SYT1: variants seen among roughly 807,000 people sequenced by gnomAD.
SYT1 encodes synaptotagmin-1.
Under a neutral mutation model 44.8 loss-of-function variants are expected in SYT1, and 8 were observed. The observed-to-expected ratio is 0.18, with a 90% CI of 0.10 to 0.32. SYT1 has a LOEUF of 0.32. SYT1 is among the 10% of genes least tolerant of loss of function. SYT1 has a pLI of 1.00. For synonymous variants in SYT1, 154 were observed against 188.8 expected, an observed-to-expected ratio of 0.82 and a Z score of 1.51; for missense variants, 286 against 509.3, an observed-to-expected ratio of 0.56 and a Z score of 4.22.
At chr12:79,197,497 A>T (rs182093800) in intron 3 of SYT1, among the ~76,000 whole-genome samples, 1 of 152,290 alleles carries the variant, frequency 6.6e-6, no homozygotes, top group Non-Finnish European at 1.5e-5. Flanking sequence ...GTAAGAAAGC[A>T]AAAAGAAAGT....
At chr12:78,984,454 C>A (rs1869502159) in intron 2 of SYT1, among the ~76,000 whole-genome samples, 1 of 151,790 alleles carries the variant, frequency 6.6e-6, no homozygotes. Context: ...TTTTCTCTTG[C>A]TTTTTGGTCA....
chr12:79,283,441 C>T (rs1879149274), intron 4 of SYT1, among the ~76,000 whole-genome samples: 3 of 152,096 alleles, frequency 2.0e-5, no homozygotes, highest in Admixed American at 2.0e-4. Context: ...TGTTCCTTTG[C>T]TTTCACTATT....
intron 3 of SYT1, among the ~76,000 whole-genome samples, chr12:79,073,377 AAATAAAGGCATTTTTAAAAG>A (rs1876417907): frequency 1.3e-5 from 2 of 152,204 alleles, no homozygotes; most frequent in South Asian, 4.1e-4. Flanking sequence ...AGGAGATAGC[AAATAAAGGCATTTTTAAAAG>A]TAGTATGTTA....
At chr12:79,363,603 C>T (rs553643944) in intron 9 of SYT1, among the ~76,000 whole-genome samples, 97 of 151,342 alleles carry the variant, frequency 6.4e-4, no homozygotes, top group Non-Finnish European at 1.2e-3. Flanking sequence ...GGAATGGTAG[C>T]GCACACCTGT....
chr12:79,444,416 C>T (rs1161521267), intron 10 of SYT1, among the ~76,000 whole-genome samples: 4 of 152,104 alleles, frequency 2.6e-5, no homozygotes, highest in African/African-American at 9.7e-5. Flanking sequence ...AAACAGCTGG[C>T]ACTGTGTTGA....
At chr12:79,163,180 A>G (rs1871051777) in intron 3 of SYT1, among the ~76,000 whole-genome samples, 1 of 152,044 alleles carries the variant, frequency 6.6e-6, no homozygotes, top group African/African-American at 2.4e-5. Flanking sequence ...CATTTCAGTA[A>G]TTTCATCTAT....
intron 2 of SYT1, among the ~76,000 whole-genome samples, chr12:79,046,625 G>C (rs555085225): frequency 6.6e-6 from 1 of 151,780 alleles, no homozygotes; most frequent in Non-Finnish European, 1.5e-5. Flanking sequence ...ATGCAATGAC[G>C]TGCAATCATT....
intron 1 of SYT1, among the ~76,000 whole-genome samples, chr12:78,940,276 A>G (rs1305420483): frequency 2.0e-5 from 3 of 152,192 alleles, no homozygotes; most frequent in Non-Finnish European, 4.4e-5. Flanking sequence ...CCTGATTTCA[A>G]TTCCCTATTC....
intron 8 of SYT1, among the ~76,000 whole-genome samples, chr12:79,349,918 A>G (rs888675009): frequency 1.3e-5 from 2 of 152,206 alleles, no homozygotes; most frequent in Non-Finnish European, 2.9e-5. Flanking sequence ...TAATTCTTCT[A>G]TGTTGATGGA....
At chr12:79,052,122 A>G (rs1236289325) in intron 3 of SYT1, among the ~76,000 whole-genome samples, 1 of 152,072 alleles carries the variant, frequency 6.6e-6, no homozygotes, top group East Asian at 1.9e-4. Context: ...CTTGGGCAGT[A>G]TGGCCATTTT....
At chr12:79,388,882 C>T (rs538770670) in intron 9 of SYT1, among the ~76,000 whole-genome samples, 8 of 152,318 alleles carry the variant, frequency 5.3e-5, no homozygotes, top group East Asian at 1.9e-4. Context: ...TTACATCACA[C>T]ATGAGTCCAG....
At chr12:79,370,712 G>T (rs566204394) in intron 9 of SYT1, among the ~76,000 whole-genome samples, 1 of 152,206 alleles carries the variant, frequency 6.6e-6, no homozygotes, top group South Asian at 2.1e-4. Flanking sequence ...GCAGTGAGCA[G>T]AGATCGCGCC....
intron 3 of SYT1, among the ~76,000 whole-genome samples, chr12:79,161,032 A>G (rs535071417): frequency 6.6e-6 from 1 of 152,234 alleles, no homozygotes; most frequent in East Asian, 1.9e-4. Flanking sequence ...CAAGAGCTCG[A>G]GACCATCCTA....
At chr12:79,422,084 C>T (rs767357478) in intron 9 of SYT1, among the ~76,000 whole-genome samples, 7 of 151,990 alleles carry the variant, frequency 4.6e-5, no homozygotes, top group Non-Finnish European at 1.0e-4. Flanking sequence ...TATTTGCAGC[C>T]ATGTTTATTT....
At chr12:79,083,908 T>A (rs1035581873) in intron 3 of SYT1, among the ~76,000 whole-genome samples, 1 of 152,138 alleles carries the variant, frequency 6.6e-6, no homozygotes, top group Non-Finnish European at 1.5e-5. Context: ...AATATTATTT[T>A]TGTATTTCAT....
At chr12:78,986,857 C>A (rs1869676485) in intron 2 of SYT1, among the ~76,000 whole-genome samples, 1 of 151,936 alleles carries the variant, frequency 6.6e-6, no homozygotes, top group South Asian at 2.1e-4. Flanking sequence ...TCCAAAAATG[C>A]CATCAGCATT....
At chr12:79,419,495 T>TA (rs938563791) in intron 9 of SYT1, among the ~76,000 whole-genome samples, 28 of 152,226 alleles carry the variant, frequency 1.8e-4, no homozygotes, top group African/African-American at 6.0e-4. Flanking sequence ...GGGATTCAAT[T>TA]ACATTTCTAA....
chr12:79,440,826 TG>T (rs1436252946), intron 9 of SYT1, among the ~76,000 whole-genome samples: 1 of 152,150 alleles, frequency 6.6e-6, no homozygotes, highest in Non-Finnish European at 1.5e-5. Context: ...CATAGGCAGG[TG>T]TATTTCCATT....
At chr12:78,953,109 T>C (rs1879047832) in intron 1 of SYT1, among the ~76,000 whole-genome samples, 1 of 152,060 alleles carries the variant, frequency 6.6e-6, no homozygotes, top group Non-Finnish European at 1.5e-5. Context: ...TAACACATAG[T>C]AAGGGCACAA....
Sources: allele counts gnomAD v4.1 joint callset (sites outside exome capture counted in the v4.1 genomes callset), GRCh38; gene constraint gnomAD v4.1.1; transcripts MANE v1.5; gene names NCBI Gene and HGNC (gene_info 2026-07-23, HGNC 2026-07-21).